LRRFIP1: variants seen among roughly 807,000 people sequenced by gnomAD.
LRRFIP1 encodes leucine-rich repeat flightless-interacting protein 1.
Under a neutral mutation model 104.4 loss-of-function variants are expected in LRRFIP1, and 62 were observed. That is an observed-to-expected ratio of 0.59 (90% CI 0.48 to 0.73). The LOEUF is 0.73. Among genes scored for constraint, LRRFIP1 ranks in the 30% least tolerant of loss-of-function variants. The pLI is 0.00. For synonymous variants in LRRFIP1, 300 were observed against 299.0 expected (o/e 1.00, Z -0.03); for missense variants, 796 against 824.5 (o/e 0.97, Z 0.42).
intron 1 of LRRFIP1, among the ~76,000 whole-genome samples, chr2:237,644,599 C>T (rs1285055272): frequency 6.6e-6 from 1 of 152,164 alleles, no homozygotes; most frequent in Non-Finnish European, 1.5e-5. Flanking sequence ...TTTGTGAAAC[C>T]GGAAAGCTTA....
chr2:237,679,036 G>A (rs560617057), intron 1 of LRRFIP1, among the ~76,000 whole-genome samples: 8 of 152,302 alleles, frequency 5.3e-5, no homozygotes, highest in South Asian at 2.1e-4. Context: ...CAGGCACAGC[G>A]CGCCTAGAAT....
intron 16 of LRRFIP1, 145 bp from the exon 17 acceptor site, chr2:237,757,311 G>T: frequency 1.9e-6 from 1 of 533,942 alleles, no homozygotes. Flanking sequence ...AAAAATCCTA[G>T]AATGCTGACA....
intron 1 of LRRFIP1, among the ~76,000 whole-genome samples, chr2:237,705,235 A>C (rs2093746191): frequency 6.6e-6 from 1 of 152,086 alleles, no homozygotes; most frequent in South Asian, 2.1e-4. Context: ...TCACAGAGAT[A>C]CTCGCCCTGT....
intron 1 of LRRFIP1, among the ~76,000 whole-genome samples, chr2:237,685,467 A>G (rs1300752945): frequency 6.6e-6 from 1 of 152,182 alleles, no homozygotes; most frequent in East Asian, 1.9e-4. Context: ...TGGGACACAT[A>G]CAGCTCTGAG....
At chr2:237,686,991 C>T (rs981219702) in intron 1 of LRRFIP1, among the ~76,000 whole-genome samples, 2 of 152,230 alleles carry the variant, frequency 1.3e-5, no homozygotes, top group African/African-American at 2.4e-5. Flanking sequence ...ACCAGGAAGA[C>T]AGCTAAGGGC....
chr2:237,762,510 T>G, intron 19 of LRRFIP1: 3 of 936,020 alleles, frequency 3.2e-6, no homozygotes, highest in South Asian at 1.8e-5. Flanking sequence ...GGAATAGGGG[T>G]GGGTGGGATT....
At chr2:237,664,086 G>A (rs1447718915) in intron 1 of LRRFIP1, among the ~76,000 whole-genome samples, 1 of 152,156 alleles carries the variant, frequency 6.6e-6, no homozygotes, top group Non-Finnish European at 1.5e-5. Flanking sequence ...GCTGCAGAGA[G>A]ACCCAAGGGA....
At position 237,780,421 on chromosome 2, in the gene LRRFIP1, C is replaced by A. The variant is rs1342140369; in HGVS notation, c.*889C>A. 6.6e-6 allele frequency: 1 copy of A among 150,552 alleles called. No individual in the cohort carries two copies. The highest frequency in any genetic ancestry group is 1.5e-5 in the Non-Finnish European group (1 of 67,782). The allele number at this position is 150,552 out of a possible 1,614,324, so 9.3% of individuals were successfully genotyped here. A position where few individuals can be genotyped will look rare whatever the true frequency, so the allele number is the denominator to read the frequency against. On this transcript the variant is annotated 3_prime_UTR_variant, in exon 24 of 24. Coordinates refer to ENST00000308482, the MANE Select transcript of LRRFIP1 (RefSeq NM_001137550.2). Reference sequence around the variant, plus strand: ...TTTTTATTTTTTAAGAATATCAAGTCAATTCATTTTTCTTTCCCTATTTAA... The same window carrying A: ...TTTTTATTTTTTAAGAATATCAAGTAAATTCATTTTTCTTTCCCTATTTAA...
At chr2:237,764,876 C>T (rs1431079747) in intron 19 of LRRFIP1, 6 of 985,358 alleles carry the variant, frequency 6.1e-6, no homozygotes, top group Non-Finnish European at 7.2e-6. Flanking sequence ...GTATCAAATT[C>T]ATTTTATAGA....
At chr2:237,746,770 C>T (rs1447352761) in intron 11 of LRRFIP1, among the ~76,000 whole-genome samples, 5 of 152,216 alleles carry the variant, frequency 3.3e-5, no homozygotes, top group Admixed American at 2.0e-4. Context: ...GGCAGAGAGC[C>T]GTAAGCAGCT....
At chr2:237,646,745 C>T (rs912222632) in intron 1 of LRRFIP1, among the ~76,000 whole-genome samples, 5 of 151,874 alleles carry the variant, frequency 3.3e-5, no homozygotes, top group African/African-American at 9.7e-5. Context: ...GTGCACACAG[C>T]GAGAAGGTGG....
intron 15 of LRRFIP1, among the ~76,000 whole-genome samples, chr2:237,754,484 A>C (rs2059036277): frequency 6.6e-6 from 1 of 152,242 alleles, no homozygotes; most frequent in African/African-American, 2.4e-5. Context: ...GATAGAAAGC[A>C]AGGAATACTT....
At chr2:237,748,504 G>T (rs2058168547) in intron 12 of LRRFIP1, 105 bp downstream of exon 12, 1 of 1,093,962 alleles carries the variant, frequency 9.1e-7, no homozygotes, top group Admixed American at 2.2e-5. Context: ...CCCAGCGAGG[G>T]AACTGGACTA....
intron 2 of LRRFIP1, among the ~76,000 whole-genome samples, chr2:237,709,596 C>T (rs1469537278): frequency 1.3e-5 from 2 of 152,128 alleles, no homozygotes; most frequent in Non-Finnish European, 2.9e-5. Flanking sequence ...TTGTAGATTC[C>T]GCCACATTCC....
intron 1 of LRRFIP1, among the ~76,000 whole-genome samples, chr2:237,631,675 G>A (rs926214448): frequency 6.6e-6 from 1 of 152,164 alleles, no homozygotes; most frequent in South Asian, 2.1e-4. Flanking sequence ...GTGCATTTTG[G>A]TAGCATCCCA....
chr2:237,751,179 C>A, intron 13 of LRRFIP1, 21 bp from the exon 14 acceptor site: 1 of 1,586,256 alleles, frequency 6.3e-7, no homozygotes. Context: ...CATCATCTGC[C>A]TTTTTTGCCA....
At chr2:237,674,099 G>A (rs993169941) in intron 1 of LRRFIP1, among the ~76,000 whole-genome samples, 1 of 152,214 alleles carries the variant, frequency 6.6e-6, no homozygotes, top group Non-Finnish European at 1.5e-5. Context: ...AGGGACTCAG[G>A]GGGCAGCAGG....
intron 23 of LRRFIP1, 96 bp downstream of exon 23, chr2:237,774,558 C>T: frequency 1.2e-6 from 1 of 800,028 alleles, no homozygotes; most frequent in Non-Finnish European, 2.1e-6. Flanking sequence ...ACATCTGCCC[C>T]TGGGCTGGTC....
rs1276528919 is a variant in LRRFIP1 at position 237,765,868 on chromosome 2, A to G, written c.1460-4075A>G. 7.1e-6 allele frequency: 7 copies of G among 982,858 alleles called. No homozygotes were observed. In the East Asian group the frequency reaches 5.7e-4, roughly 80 times the overall value. The allele number at this position is 982,858 out of a possible 1,614,324, so 60.9% of individuals were successfully genotyped here. Reference sequence around the variant, plus strand: ...CCAAAACCTCAATAAAATTTGAGGAAAACGTGTTATTATGTAATTGAAATA... The same window carrying G: ...CCAAAACCTCAATAAAATTTGAGGAGAACGTGTTATTATGTAATTGAAATA... On this transcript the variant is annotated intron_variant, in intron 19 of 23. Transcript: ENST00000308482.
Sources: allele counts gnomAD v4.1 joint callset (sites outside exome capture counted in the v4.1 genomes callset), GRCh38; gene constraint gnomAD v4.1.1; transcripts MANE v1.5; gene names NCBI Gene and HGNC (gene_info 2026-07-23, HGNC 2026-07-21).